Variants in UBE3A observed in about 807,000 individuals in gnomAD.
UBE3A encodes ubiquitin protein ligase E3A.
Under a neutral mutation model 83.4 loss-of-function variants are expected in UBE3A, and 6 were observed. The ratio of observed to expected loss-of-function variants is 0.07; its 90% CI spans 0.04 to 0.14. UBE3A has a LOEUF of 0.14. Ranked by LOEUF, UBE3A falls within the 10% of genes least tolerant of loss-of-function variation. The pLI is 1.00. For synonymous variants in UBE3A, 337 were observed against 355.4 expected, an observed-to-expected ratio of 0.95 and a Z score of 0.58; for missense variants, 456 against 1,036.1, an observed-to-expected ratio of 0.44 and a Z score of 7.69.
At chr15:25,412,043 TA>T (rs1302503509) in intron 1 of UBE3A, 72 bp from the exon 2 acceptor site, 1 of 152,186 alleles carries the variant, frequency 6.6e-6, no homozygotes, top group African/African-American at 2.4e-5. Flanking sequence ...AAAAAGGTAC[TA>T]AATTTCATCA....
chr15:25,351,170 T>C (rs562892730), intron 11 of UBE3A, among the ~76,000 whole-genome samples: 1 of 152,208 alleles, frequency 6.6e-6, no homozygotes, highest in Non-Finnish European at 1.5e-5. Flanking sequence ...TTAAGCATTA[T>C]CGTATATGAT....
At chr15:25,402,728 T>C (rs1400739505) in intron 4 of UBE3A, among the ~76,000 whole-genome samples, 1 of 152,240 alleles carries the variant, frequency 6.6e-6, no homozygotes, top group Non-Finnish European at 1.5e-5. Context: ...TCTCAGGGAC[T>C]GAGGGAGGTG....
intron 1 of UBE3A, among the ~76,000 whole-genome samples, chr15:25,436,952 C>T (rs1022976604): frequency 6.6e-6 from 1 of 152,164 alleles, no homozygotes; most frequent in Non-Finnish European, 1.5e-5. Context: ...CACAGTAAGA[C>T]TAGCATAGTT....
chr15:25,372,871 G>C (rs2080525177), intron 5 of UBE3A, among the ~76,000 whole-genome samples: 1 of 152,044 alleles, frequency 6.6e-6, no homozygotes, highest in South Asian at 2.1e-4. Flanking sequence ...ACAACATGTA[G>C]AATTTTTAAT....
intron 6 of UBE3A, among the ~76,000 whole-genome samples, chr15:25,366,480 T>C (rs2079121684): frequency 1.3e-5 from 2 of 152,182 alleles, no homozygotes; most frequent in Non-Finnish European, 2.9e-5. Flanking sequence ...CAGAACCTCC[T>C]GGTAGTGGGG....
At chr15:25,350,746 A>G (rs118078728) in intron 11 of UBE3A, among the ~76,000 whole-genome samples, 4 of 152,224 alleles carry the variant, frequency 2.6e-5, no homozygotes, top group Admixed American at 2.0e-4. Flanking sequence ...ACACTACTCT[A>G]TAATTTTTTA....
intron 1 of UBE3A, among the ~76,000 whole-genome samples, chr15:25,427,816 AG>A (rs1431231806): frequency 8.4e-5 from 11 of 130,452 alleles, no homozygotes; most frequent in Non-Finnish European, 1.7e-4. Context: ...AAAAAAAAAA[AG>A]GTGGGTGGGG....
intron 1 of UBE3A, among the ~76,000 whole-genome samples, chr15:25,432,612 C>A (rs1397653149): frequency 2.6e-5 from 4 of 152,122 alleles, no homozygotes; most frequent in Non-Finnish European, 5.9e-5. Flanking sequence ...AGACATGGGT[C>A]AAAAAATTTT....
At chr15:25,427,602 C>CAAAAAAAAAAAAAAAA (rs751567252) in intron 1 of UBE3A, among the ~76,000 whole-genome samples, 1 of 64,182 alleles carries the variant, frequency 1.6e-5, no homozygotes, top group Non-Finnish European at 2.6e-5. Flanking sequence ...CCCATCTCTA[C>CAAAAAAAAAAAAAAAA]AAAAAAAAAA....
At chr15:25,432,822 G>A (rs945962094) in intron 1 of UBE3A, among the ~76,000 whole-genome samples, 2 of 152,112 alleles carry the variant, frequency 1.3e-5, no homozygotes, top group African/African-American at 4.8e-5. Context: ...GCTCTTACTT[G>A]AAACACAGAT....
chr15:25,426,513 G>GT (rs1891363974), intron 1 of UBE3A, among the ~76,000 whole-genome samples: 1 of 152,012 alleles, frequency 6.6e-6, no homozygotes, highest in Non-Finnish European at 1.5e-5. Flanking sequence ...AAGGTAGGTG[G>GT]GTTTTTCCTT....
intron 11 of UBE3A, chr15:25,346,336 T>C (rs1392158131): frequency 1.3e-5 from 2 of 152,360 alleles, no homozygotes; most frequent in African/African-American, 2.4e-5. Flanking sequence ...AACAGCACCA[T>C]AAAGCCTCTG....
At chr15:25,406,730 C>T (rs1440891498) in intron 3 of UBE3A, among the ~76,000 whole-genome samples, 1 of 151,046 alleles carries the variant, frequency 6.6e-6, no homozygotes, top group African/African-American at 2.4e-5. Flanking sequence ...ACACACAAAC[C>T]TGTTTTCTAA....
chr15:25,381,806 T>A (rs1165109210), intron 4 of UBE3A, among the ~76,000 whole-genome samples: 2 of 152,216 alleles, frequency 1.3e-5, no homozygotes, highest in Non-Finnish European at 2.9e-5. Context: ...GTAAGAGACA[T>A]CTGTGACACA....
intron 4 of UBE3A, among the ~76,000 whole-genome samples, chr15:25,381,668 G>A (rs190699054): frequency 3.3e-5 from 5 of 152,268 alleles, no homozygotes; most frequent in Admixed American, 3.3e-4. Flanking sequence ...GTAATTTCTC[G>A]TAAGTGGAGT....
At chr15:25,417,045 G>T (rs1596367371) in intron 1 of UBE3A, among the ~76,000 whole-genome samples, 1 of 152,126 alleles carries the variant, frequency 6.6e-6, no homozygotes, top group East Asian at 1.9e-4. Context: ...TCTGCCATTT[G>T]AGAGTCCACT....
At chr15:25,410,463 A>G (rs1415222823) in intron 2 of UBE3A, among the ~76,000 whole-genome samples, 1 of 152,210 alleles carries the variant, frequency 6.6e-6, no homozygotes, top group Non-Finnish European at 1.5e-5. Flanking sequence ...TCCCCTATCC[A>G]GGCCAAATCT....
intron 8 of UBE3A, 66 bp from the exon 9 acceptor site, chr15:25,356,122 C>T (rs2077180531): frequency 6.4e-7 from 1 of 1,567,894 alleles, no homozygotes; most frequent in Non-Finnish European, 8.8e-7. Context: ...TAATTTATAT[C>T]ACTCTTCTTA....
Position 25,387,092 on chromosome 15 carries a change from A to T in UBE3A, c.63-11329T>A, listed in dbSNP as rs571289681. On this transcript the variant is annotated intron_variant, in intron 4 of 12. Coordinates refer to ENST00000648336, the MANE Select transcript of UBE3A (RefSeq NM_130839.5). ...TGTGCTTATGCATACAAATGCTCCT[A>T]AACTTACTTATTGGGTTGTGTCCCA... 5.3e-5 allele frequency among the ~76,000 whole-genome samples: 8 copies of T among 152,246 alleles called. No homozygotes were observed. In the South Asian group the frequency reaches 6.2e-4, roughly 12 times the overall value.
Sources: allele counts gnomAD v4.1 joint callset (sites outside exome capture counted in the v4.1 genomes callset), GRCh38; gene constraint gnomAD v4.1.1; transcripts MANE v1.5; gene names NCBI Gene and HGNC (gene_info 2026-07-23, HGNC 2026-07-21).